The following FRY variants were observed in gnomAD, a reference collection of about 807,000 sequenced individuals.
FRY encodes FRY microtubule binding protein, also known as protein furry homolog.
FRY carries 128 observed loss-of-function variants against 348.4 expected under a neutral mutation model. The ratio of observed to expected loss-of-function variants is 0.37; its 90% CI spans 0.32 to 0.43. The LOEUF (loss-of-function observed/expected upper bound fraction) is 0.43. Among genes scored for constraint, FRY ranks in the 20% least tolerant of loss-of-function variants. The pLI, the probability that FRY is intolerant of heterozygous loss-of-function variation, is 1.00. For synonymous variants in FRY, 1,370 were observed against 1,374.7 expected (o/e 1.00, Z 0.08); for missense variants, 2,736 against 3,695.2 (o/e 0.74, Z 6.73).
Position 32,031,876 on chromosome 13 carries a change from G to A in FRY, c.70+11G>A, listed in dbSNP as rs761204654. On this transcript the variant is annotated intron_variant, in intron 1 of 60. Transcript: ENST00000542859. ...AATCCTGGAGTAATAGTGAGTAATA[G>A]AAAATAACCTTTTTGTTTGTTTGTT... is the stretch of plus-strand genomic sequence containing the variant. The A allele has an allele frequency of 1.4e-6, 2 of 1,418,592 alleles. No individual in the cohort carries two copies. Among genetic ancestry groups the A allele is most frequent in the Admixed American group, 3.3e-5 (2 of 59,756 alleles). The allele number at this position is 1,418,592 out of a possible 1,614,324, so 87.9% of individuals were successfully genotyped here.
intron 25 of FRY, 106 bp downstream of exon 25, chr13:32,184,797 C>T: frequency 1.0e-6 from 1 of 981,124 alleles, no homozygotes; most frequent in Non-Finnish European, 1.6e-6. Flanking sequence ...ATATAATACC[C>T]TTAACTTAGA....
intron 1 of FRY, among the ~76,000 whole-genome samples, chr13:32,052,187 A>AC (rs1368856010): frequency 6.6e-6 from 1 of 152,196 alleles, no homozygotes; most frequent in Non-Finnish European, 1.5e-5. Flanking sequence ...CATAAAGGTG[A>AC]CCACCTCCCA....
rs780097534 is a variant in FRY at position 32,231,245 on chromosome 13, A to G, written c.5472A>G (p.Glu1824=). The change falls in exon 41 of 61, where the codon GAA becomes GAG. Residue 1824 remains glutamate (E), a synonymous_variant. Transcript: ENST00000542859. ...AAAATCAAAATTCAAAGAGTGCTGA[A>G]CAGCTCACTAATTTTCTACGTCACG... is the stretch of plus-strand genomic sequence containing the variant. ...TPKNQNSKSA[E]QLTNFLRHVV... The G allele has an allele frequency of 6.8e-6, 11 of 1,612,938 alleles. No homozygotes were observed. The East Asian group carries it at 2.5e-4, about 36-fold the overall frequency.
chr13:32,188,503 A>T (rs1180858123), intron 28 of FRY, among the ~76,000 whole-genome samples: 1 of 152,138 alleles, frequency 6.6e-6, no homozygotes, highest in Non-Finnish European at 1.5e-5. Context: ...GTGAAAAAGG[A>T]CTTTCTGGTA....
intron 1 of FRY, among the ~76,000 whole-genome samples, chr13:32,070,676 C>T (rs1593580400): frequency 1.3e-5 from 2 of 151,468 alleles, no homozygotes; most frequent in African/African-American, 4.9e-5. Flanking sequence ...CCTGTTTACT[C>T]TGATAGTTTC....
chr13:32,228,566 C>T lies in FRY; in HGVS notation c.5317C>T (p.Pro1773Ser). Residue 1773 changes from proline (P) to serine (S), a missense_variant, in exon 40 of 61, where the codon CCA (proline) becomes TCA (serine). By Grantham distance (74) the Pro-to-Ser change is moderately conservative (BLOSUM62 -1). Transcript: ENST00000542859. ...ISLGGSSGNL[P>S]QMTQEVEDVD... ...TCTGGGAGGCAGCAGTGGAAACCTC[C>T]CACAGATGACCCAGGAGGTAGAAGA... 6.2e-7 allele frequency: 1 copy of T among 1,613,984 alleles called. No individual in the cohort carries two copies. The highest frequency in any genetic ancestry group is 8.5e-7 in the Non-Finnish European group (1 of 1,179,910).
intron 58 of FRY, among the ~76,000 whole-genome samples, chr13:32,286,600 G>C (rs1889066844): frequency 6.6e-6 from 1 of 151,700 alleles, no homozygotes; most frequent in African/African-American, 2.4e-5. Flanking sequence ...AAAAGCATTA[G>C]CTGGGCATGG....
chr13:32,179,070 G>C, intron 22 of FRY, 37 bp downstream of exon 22: 1 of 1,532,180 alleles, frequency 6.5e-7, no homozygotes, highest in Non-Finnish European at 9.0e-7. Flanking sequence ...ATTCTGTAAG[G>C]TTTTTTTTTA....
At chr13:32,263,284 G>C (rs1355036293) in intron 53 of FRY, among the ~76,000 whole-genome samples, 1 of 152,104 alleles carries the variant, frequency 6.6e-6, no homozygotes, top group Admixed American at 6.5e-5. Flanking sequence ...TTTCATAAAA[G>C]TATATTCCTT....
intron 20 of FRY, among the ~76,000 whole-genome samples, chr13:32,177,871 T>C (rs749465679): frequency 6.6e-6 from 1 of 152,240 alleles, no homozygotes; most frequent in Non-Finnish European, 1.5e-5. Context: ...CATATATTCA[T>C]TCAACAAATA....
At chr13:32,282,156 T>A (rs1342782453) in intron 58 of FRY, among the ~76,000 whole-genome samples, 1 of 152,194 alleles carries the variant, frequency 6.6e-6, no homozygotes, top group Admixed American at 6.5e-5. Context: ...AGCTACCATT[T>A]GGCCTCCAAC....
chr13:32,175,442 C>G (rs1468884072), intron 19 of FRY, 104 bp from the exon 20 acceptor site: 2 of 783,058 alleles, frequency 2.6e-6, no homozygotes, highest in Non-Finnish European at 4.6e-6. Flanking sequence ...AAACCCTTAT[C>G]ACTATCTCAC....
At chr13:32,231,001 G>T (rs1016657106) in intron 40 of FRY, among the ~76,000 whole-genome samples, 178 bp from the exon 41 acceptor site, 3 of 151,668 alleles carry the variant, frequency 2.0e-5, no homozygotes, top group Non-Finnish European at 2.9e-5. Context: ...TTTTTAATGG[G>T]TTTTTTTTCT....
chr13:32,077,962 T>C (rs1875202762), intron 1 of FRY, among the ~76,000 whole-genome samples: 1 of 152,216 alleles, frequency 6.6e-6, no homozygotes. Flanking sequence ...TGGATATTAA[T>C]AACTGACCAT....
rs549227063 is a variant in FRY at position 32,055,646 on chromosome 13, C to CAAGAAACAGA, written c.71-23186_71-23177dup. On this transcript the variant is annotated intron_variant, in intron 1 of 60. Coordinates refer to ENST00000542859, the MANE Select transcript of FRY (RefSeq NM_023037.3). ...CTCCAAAAAATAATTGAGTTCAACT[C>CAAGAAACAGA]AAGAAACAGAACCTGTGCAATAATC... Among the ~76,000 whole-genome samples the CAAGAAACAGA allele has an allele frequency of 4.0e-4, 61 of 152,200 alleles. No individual in the cohort carries two copies. In the South Asian group the frequency reaches 0.013, roughly 32 times the overall value.
At chr13:32,074,058 A>C (rs1391575985) in intron 1 of FRY, among the ~76,000 whole-genome samples, 1 of 152,246 alleles carries the variant, frequency 6.6e-6, no homozygotes, top group Non-Finnish European at 1.5e-5. Context: ...ATAGTCAGTC[A>C]TGTTCAAAAA....
intron 36 of FRY, among the ~76,000 whole-genome samples, chr13:32,220,759 C>G (rs1036166191): frequency 3.9e-5 from 6 of 152,206 alleles, no homozygotes; most frequent in Non-Finnish European, 5.9e-5. Flanking sequence ...AGAAATCTCA[C>G]AATTTACTTT....
rs181073177 is a variant in FRY, at chr13:32,227,908, C to T, written c.5207-548C>T. Among the ~76,000 whole-genome samples the T allele has an allele frequency of 2.0e-3, 302 of 152,256 alleles. 4 individuals carry two copies. The highest frequency in any genetic ancestry group is 7.1e-3 in the African/African-American group (295 of 41,544). ...CTGGGACTACAGGTGCCGACCACCA[C>T]GCTCGGCTAATTTTTGTATTTTTGG... is the stretch of plus-strand genomic sequence containing the variant. On this transcript the variant is annotated intron_variant, in intron 39 of 60. Coordinates refer to ENST00000542859, the MANE Select transcript of FRY (RefSeq NM_023037.3).
intron 8 of FRY, among the ~76,000 whole-genome samples, chr13:32,133,373 G>T (rs1194204498): frequency 1.3e-5 from 2 of 151,984 alleles, no homozygotes; most frequent in Non-Finnish European, 2.9e-5. Flanking sequence ...CTTAGAGAGT[G>T]GTTCTGAGGA....
Sources: allele counts gnomAD v4.1 joint callset (sites outside exome capture counted in the v4.1 genomes callset), GRCh38; gene constraint gnomAD v4.1.1; transcripts MANE v1.5; gene names NCBI Gene and HGNC (gene_info 2026-07-23, HGNC 2026-07-21).